The following GRID2 variants were observed in gnomAD, a reference collection of about 807,000 sequenced individuals.
GRID2 encodes the protein glutamate receptor ionotropic, delta-2.
A neutral mutation model predicts 114.8 loss-of-function variants in GRID2; 33 were observed. That is an observed-to-expected ratio of 0.29 (90% CI 0.22 to 0.38). The LOEUF (loss-of-function observed/expected upper bound fraction) is 0.38. Among genes scored for constraint, GRID2 ranks in the 10% least tolerant of loss-of-function variants. The pLI, the probability that GRID2 is intolerant of heterozygous loss-of-function variation, is 1.00. For synonymous variants in GRID2, 505 were observed against 449.9 expected (o/e 1.12, Z -1.55); for missense variants, 1,184 against 1,257.7 (o/e 0.94, Z 0.89).
intron 9 of GRID2, among the ~76,000 whole-genome samples, chr4:93,411,403 A>G (rs1214450912): frequency 6.6e-6 from 1 of 151,842 alleles, no homozygotes; most frequent in Non-Finnish European, 1.5e-5. Context: ...ATTTAGCAAT[A>G]TGCAAATGAG....
At chr4:92,535,597 TG>T (rs1425922814) in intron 1 of GRID2, among the ~76,000 whole-genome samples, 2 of 152,116 alleles carry the variant, frequency 1.3e-5, no homozygotes, top group African/African-American at 2.4e-5. Flanking sequence ...TATTGTCACA[TG>T]CAATTACCAA....
chr4:93,514,065 T>C (rs2149489384), intron 12 of GRID2, among the ~76,000 whole-genome samples: 1 of 152,286 alleles, frequency 6.6e-6, no homozygotes, highest in Middle Eastern at 3.4e-3. Context: ...CTGCTCCCAT[T>C]CCCAAAAGTT....
intron 9 of GRID2, among the ~76,000 whole-genome samples, chr4:93,407,680 T>A (rs1766594501): frequency 6.6e-6 from 1 of 151,616 alleles, no homozygotes; most frequent in African/African-American, 2.4e-5. Context: ...TTCAGAATTT[T>A]TTTTTTTTCA....
At chr4:93,080,771 C>A (rs531717114) in intron 2 of GRID2, among the ~76,000 whole-genome samples, 11 of 152,222 alleles carry the variant, frequency 7.2e-5, no homozygotes, top group African/African-American at 2.6e-4. Flanking sequence ...CCCTTCTGTG[C>A]TGCTATAACA....
At chr4:93,016,514 T>C (rs563719278) in intron 2 of GRID2, among the ~76,000 whole-genome samples, 2 of 152,182 alleles carry the variant, frequency 1.3e-5, no homozygotes, top group Non-Finnish European at 2.9e-5. Flanking sequence ...TTAGAATCCA[T>C]GTACTTTACT....
chr4:93,327,530 A>G (rs1757966621), intron 8 of GRID2, among the ~76,000 whole-genome samples: 1 of 152,156 alleles, frequency 6.6e-6, no homozygotes, highest in South Asian at 2.1e-4. Flanking sequence ...AGACTATTGT[A>G]TATATATACA....
In GRID2 at chr4:93,450,422, T is replaced by C. The variant is rs546110827; in HGVS notation, c.1546-5240T>C. 9.8e-4 allele frequency among the ~76,000 whole-genome samples: 149 copies of C among 152,060 alleles called. 1 individual carries two copies. The highest frequency in any genetic ancestry group is 3.5e-3 in the African/African-American group (146 of 41,556). ...AAAATAATGCATGTAAAACACATGA[T>C]ACTTGGTATATAGTAAGCACTAACT... On this transcript the variant is annotated intron_variant, in intron 10 of 15. Coordinates refer to ENST00000282020, the MANE Select transcript of GRID2 (RefSeq NM_001510.4).
chr4:93,666,520 G>A (rs1256847546), intron 14 of GRID2, among the ~76,000 whole-genome samples: 1 of 152,002 alleles, frequency 6.6e-6, no homozygotes, highest in Non-Finnish European at 1.5e-5. Flanking sequence ...TAAGCACCTG[G>A]AACAGTGCCT....
At chr4:92,448,135 G>A (rs1158121584) in intron 1 of GRID2, among the ~76,000 whole-genome samples, 1 of 61,434 alleles carries the variant, frequency 1.6e-5, no homozygotes, top group Non-Finnish European at 4.1e-5. Flanking sequence ...TTTATTTTAT[G>A]TATGTATGTA....
chr4:92,863,399 C>T (rs2149437547), intron 2 of GRID2, among the ~76,000 whole-genome samples: 1 of 152,222 alleles, frequency 6.6e-6, no homozygotes, highest in Middle Eastern at 3.4e-3. Context: ...CCTCCAGCAG[C>T]CTGTGAAAAT....
chr4:93,493,625 G>A (rs967222986), intron 12 of GRID2, among the ~76,000 whole-genome samples: 6 of 151,384 alleles, frequency 4.0e-5, no homozygotes, highest in Non-Finnish European at 7.4e-5. Context: ...AGACTTTGTG[G>A]TGTCTGTAAA....
At chr4:92,983,159 A>C (rs1754321305) in intron 2 of GRID2, among the ~76,000 whole-genome samples, 1 of 152,124 alleles carries the variant, frequency 6.6e-6, no homozygotes, top group South Asian at 2.1e-4. Context: ...TGGCACACAA[A>C]ATACAACAAT....
At chr4:93,110,224 A>C (rs1732639582) in intron 3 of GRID2, among the ~76,000 whole-genome samples, 1 of 152,190 alleles carries the variant, frequency 6.6e-6, no homozygotes, top group South Asian at 2.1e-4. Context: ...GGTCTAAGTT[A>C]CCTGAGGCCC....
chr4:93,458,873 G>A (rs1304550466), intron 11 of GRID2, among the ~76,000 whole-genome samples: 1 of 152,076 alleles, frequency 6.6e-6, no homozygotes, highest in Non-Finnish European at 1.5e-5. Context: ...GAATGCGAAT[G>A]TAAAGAAGAG....
chr4:93,269,189 T>C lies in GRID2; in HGVS notation c.1245+30699T>C, dbSNP rs567208689. Among the ~76,000 whole-genome samples, 5 of 152,298 alleles carry C rather than the reference T, an allele frequency of 3.3e-5. No individual in the cohort carries two copies. In the South Asian group the frequency reaches 1.0e-3, roughly 32 times the overall value. On this transcript the variant is annotated intron_variant, in intron 8 of 15. Coordinates refer to ENST00000282020, the MANE Select transcript of GRID2 (RefSeq NM_001510.4). ...ATTATAGTCAGTTTAATGCAGTGAT[T>C]CTTAATCTTTTTGCACATTAAAATC...
chr4:93,410,670 A>G (rs965055626), intron 9 of GRID2, among the ~76,000 whole-genome samples: 20 of 152,320 alleles, frequency 1.3e-4, no homozygotes, highest in African/African-American at 4.3e-4. Context: ...TGCAACCTCC[A>G]TCTCCTGGGT....
chr4:93,358,934 A>G (rs746712903), intron 8 of GRID2, among the ~76,000 whole-genome samples: 3 of 152,100 alleles, frequency 2.0e-5, no homozygotes, highest in Non-Finnish European at 4.4e-5. Flanking sequence ...AACTGTTGCC[A>G]TGATAATGCT....
intron 14 of GRID2, among the ~76,000 whole-genome samples, chr4:93,747,615 C>T (rs1028048971): frequency 6.6e-6 from 1 of 152,144 alleles, no homozygotes; most frequent in Non-Finnish European, 1.5e-5. Flanking sequence ...TCACTCTTTT[C>T]ATAAAGTCTA....
At chr4:93,649,539 T>C (rs1405425323) in intron 14 of GRID2, among the ~76,000 whole-genome samples, 1 of 152,200 alleles carries the variant, frequency 6.6e-6, no homozygotes, top group East Asian at 1.9e-4. Context: ...AAGTCTACTA[T>C]ATTCCCAAGT....
Sources: gnomAD v4.1 joint callset for allele counts (sites outside exome capture counted in the v4.1 genomes callset) on GRCh38, gnomAD v4.1.1 for gene constraint, MANE v1.5 for transcripts, NCBI Gene and HGNC (gene_info 2026-07-23, HGNC 2026-07-21) for gene names.